The following ATP9B variants were observed in gnomAD, a reference collection of about 807,000 sequenced individuals.
ATP9B encodes the protein probable phospholipid-transporting ATPase IIB.
Under a neutral mutation model 146.1 loss-of-function variants are expected in ATP9B, and 110 were observed. The ratio of observed to expected loss-of-function variants is 0.75; its 90% confidence interval spans 0.65 to 0.88. ATP9B has a LOEUF of 0.88. Ranked by LOEUF, ATP9B falls within the 40% of genes least tolerant of loss-of-function variation. The pLI is 0.00. For synonymous variants in ATP9B, 604 were observed against 569.7 expected (o/e 1.06, Z -0.86); for missense variants, 1,499 against 1,496.4 (o/e 1.00, Z -0.03).
intron 13 of ATP9B, among the ~76,000 whole-genome samples, chr18:79,289,573 G>T (rs2096480974): frequency 6.6e-6 from 1 of 152,064 alleles, no homozygotes; most frequent in South Asian, 2.1e-4. Context: ...TCCTCCTGTA[G>T]CTCAGAGTAG....
At chr18:79,357,543 G>T (rs112017149) in intron 25 of ATP9B, among the ~76,000 whole-genome samples, 3 of 9,770 alleles carry the variant, frequency 3.1e-4, no homozygotes, top group African/African-American at 6.1e-4. Flanking sequence ...AGGTGTCTGT[G>T]TGAGGGGTGT....
intron 17 of ATP9B, among the ~76,000 whole-genome samples, chr18:79,335,502 G>A (rs1433225845): frequency 1.3e-5 from 2 of 152,224 alleles, no homozygotes; most frequent in African/African-American, 4.8e-5. Flanking sequence ...AACACGGTTA[G>A]CACCGTTTCA....
At chr18:79,188,847 T>C (rs4322737) in intron 8 of ATP9B, among the ~76,000 whole-genome samples, 37,938 of 151,546 alleles carry the variant, frequency 0.25, 5,119 homozygotes, top group East Asian at 0.5. Flanking sequence ...TTACTGTAAT[T>C]GAATATTTTT....
At chr18:79,071,049 C>CTTTTTTTTTTT (rs746689031) in intron 1 of ATP9B, among the ~76,000 whole-genome samples, 11 of 112,358 alleles carry the variant, frequency 9.8e-5, no homozygotes, top group South Asian at 2.9e-4. Flanking sequence ...ATTCCTGTTT[C>CTTTTTTTTTTT]TTTTTTTTTT....
intron 12 of ATP9B, among the ~76,000 whole-genome samples, chr18:79,260,641 G>A (rs1259556558): frequency 6.6e-6 from 1 of 152,216 alleles, no homozygotes. Context: ...GAGACAGGAT[G>A]AGATGAGAGA....
At chr18:79,250,286 A>G (rs2144993553) in intron 11 of ATP9B, among the ~76,000 whole-genome samples, 2 of 152,316 alleles carry the variant, frequency 1.3e-5, no homozygotes, top group African/African-American at 4.8e-5. Context: ...GTGGTTATGC[A>G]TTTTGCAAGA....
rs1299517316 is a variant in ATP9B, at chr18:79,086,026, C to T, written c.120-10450C>T. ...GCTGTGATGTTTCACAATTGAAAAG[C>T]CTTTTTTTTTTTTAAGGCGTAGTAC... On this transcript the variant is annotated intron_variant, in intron 1 of 29. Transcript: ENST00000426216. 5.7e-5 allele frequency: 8 copies of T among 141,202 alleles called. No individual in the cohort carries two copies. In the East Asian group the frequency reaches 2.1e-3, roughly 37 times the overall value. 8.7% of individuals were successfully genotyped at this position (141,202 alleles called of 1,614,324 possible).
intron 12 of ATP9B, among the ~76,000 whole-genome samples, chr18:79,274,578 G>T (rs2096287324): frequency 6.6e-6 from 1 of 152,068 alleles, no homozygotes; most frequent in Non-Finnish European, 1.5e-5. Context: ...TATGCAACCT[G>T]TGTGGTATTA....
intron 26 of ATP9B, among the ~76,000 whole-genome samples, chr18:79,371,331 C>T (rs1469932891): frequency 7.1e-6 from 1 of 140,550 alleles, no homozygotes; most frequent in Non-Finnish European, 1.5e-5. Flanking sequence ...AAGATCGTGC[C>T]ATTGCACTCC....
At chr18:79,077,507 A>C (rs1219908622) in intron 1 of ATP9B, among the ~76,000 whole-genome samples, 1 of 152,204 alleles carries the variant, frequency 6.6e-6, no homozygotes, top group African/African-American at 2.4e-5. Context: ...TCCACTTTTC[A>C]CTAGGCCTCC....
At chr18:79,142,900 G>A (rs951716974) in intron 5 of ATP9B, among the ~76,000 whole-genome samples, 5 of 152,220 alleles carry the variant, frequency 3.3e-5, no homozygotes, top group African/African-American at 1.2e-4. Context: ...TGTAACGAGT[G>A]TGATGTTAGT....
chr18:79,267,321 T>C (rs1195158728), intron 12 of ATP9B, among the ~76,000 whole-genome samples: 1 of 152,066 alleles, frequency 6.6e-6, no homozygotes, highest in Non-Finnish European at 1.5e-5. Context: ...TCCTGACCAC[T>C]CTTCCAATAG....
rs923248434 is a variant in ATP9B at position 79,239,905 on chromosome 18, G to A, written c.1108-13476G>A. ...GGCTAAGCGTTCCCAAAGGATGAGC[G>A]GAGAGGCTTGCTCTGCCTGCGTCCC... On this transcript the variant is annotated intron_variant, in intron 11 of 29. Transcript: ENST00000426216. This position sits in a 1 kb window ranked among gnomAD's most constrained non-coding sequence, Gnocchi z 5.1. Among the ~76,000 whole-genome samples, 2 of 152,180 alleles carry A rather than the reference G, an allele frequency of 1.3e-5. No individual in the cohort carries two copies. Among genetic ancestry groups the A allele is most frequent in the Non-Finnish European group, 2.9e-5 (2 of 68,044 alleles).
At chr18:79,250,299 G>A (rs894654283) in intron 11 of ATP9B, among the ~76,000 whole-genome samples, 4 of 152,198 alleles carry the variant, frequency 2.6e-5, no homozygotes, top group African/African-American at 9.6e-5. Flanking sequence ...TTGCAAGACA[G>A]TGATTCTTTA....
At chr18:79,279,601 C>A (rs555071327) in intron 13 of ATP9B, among the ~76,000 whole-genome samples, 1 of 152,170 alleles carries the variant, frequency 6.6e-6, no homozygotes, top group East Asian at 1.9e-4. Flanking sequence ...ACACCAGCAA[C>A]CATTAGGACA....
At chr18:79,218,601 G>A (rs935568442) in intron 11 of ATP9B, among the ~76,000 whole-genome samples, 2 of 151,698 alleles carry the variant, frequency 1.3e-5, no homozygotes, top group African/African-American at 2.4e-5. Flanking sequence ...TTCCGGGTCC[G>A]GCACTGACTG....
chr18:79,342,438 C>T, intron 20 of ATP9B, 72 bp downstream of exon 20: 1 of 1,032,282 alleles, frequency 9.7e-7, no homozygotes, highest in Non-Finnish European at 1.4e-6. Context: ...TTGTTTTTGT[C>T]AGAATATATA....
chr18:79,228,118 A>T (rs1033014899), intron 11 of ATP9B, among the ~76,000 whole-genome samples: 2 of 152,250 alleles, frequency 1.3e-5, no homozygotes, highest in African/African-American at 4.8e-5. Context: ...TTAGCCCAAA[A>T]AATAGCCTTT....
intron 1 of ATP9B, among the ~76,000 whole-genome samples, chr18:79,081,800 T>A (rs61358120): frequency 0.027 from 4,152 of 151,876 alleles, 208 homozygotes; most frequent in African/African-American, 0.095. Flanking sequence ...GGGCTTCTCT[T>A]TGTGGGTAAC....
Sources: gnomAD v4.1 joint callset for allele counts (sites outside exome capture counted in the v4.1 genomes callset) on GRCh38, gnomAD v4.1.1 for gene constraint, Gnocchi (gnomAD v3.1) non-coding constraint, MANE v1.5 for transcripts, NCBI Gene and HGNC (gene_info 2026-07-23, HGNC 2026-07-21) for gene names.